REDIC1: variants seen among roughly 807,000 people sequenced by gnomAD.
The protein encoded by REDIC1 is regulator of DNA class I crossover intermediates 1.
the REDIC1 span, among the ~76,000 whole-genome samples, chr12:39,818,938 A>G: frequency 6.6e-6 from 1 of 152,176 alleles, no homozygotes; most frequent in African/African-American, 2.4e-5. Context: ...AAGCCAATTA[A>G]TTAAAAAACA....
chr12:39,767,821 G>A, the REDIC1 span, among the ~76,000 whole-genome samples: 3 of 152,128 alleles, frequency 2.0e-5, no homozygotes, highest in African/African-American at 7.2e-5. Flanking sequence ...GTTTTATAAT[G>A]GGCTTTTCCC....
At chr12:39,771,296 A>G in the REDIC1 span, among the ~76,000 whole-genome samples, 1 of 152,068 alleles carries the variant, frequency 6.6e-6, no homozygotes, top group African/African-American at 2.4e-5. Context: ...GAATATGGCA[A>G]AAGTGACAGG....
chr12:39,713,402 GTA>G, the REDIC1 span, among the ~76,000 whole-genome samples: 168 of 9,016 alleles, frequency 0.019, 3 homozygotes, highest in Non-Finnish European at 0.063. Flanking sequence ...AGACACATAC[GTA>G]TGTATACACA....
the REDIC1 span, among the ~76,000 whole-genome samples, chr12:39,713,533 C>T: frequency 7.4e-5 from 11 of 148,998 alleles, no homozygotes; most frequent in South Asian, 1.7e-3. Context: ...CATGTGTACA[C>T]GTACATACGT....
At chr12:39,749,919 A>G in the REDIC1 span, among the ~76,000 whole-genome samples, 7 of 152,340 alleles carry the variant, frequency 4.6e-5, no homozygotes, top group Admixed American at 2.6e-4. Flanking sequence ...GACGTATCTC[A>G]AAATCATGAG....
At chr12:39,670,845 G>T in the REDIC1 span, among the ~76,000 whole-genome samples, 1 of 150,368 alleles carries the variant, frequency 6.7e-6, no homozygotes, top group African/African-American at 2.4e-5. Context: ...GCTCCTGATT[G>T]TATTTTTCAT....
At chr12:39,653,500 CT>C in the REDIC1 span, among the ~76,000 whole-genome samples, 1 of 40,236 alleles carries the variant, frequency 2.5e-5, no homozygotes, top group Non-Finnish European at 5.6e-5. Context: ...ATGTCTTCTT[CT>C]TCTTCTTCTT....
At chr12:39,672,805 T>C in the REDIC1 span, among the ~76,000 whole-genome samples, 23 of 152,222 alleles carry the variant, frequency 1.5e-4, no homozygotes, top group Admixed American at 6.5e-4. Flanking sequence ...TCCAGGGATA[T>C]GTAGATGCAA....
chr12:39,896,789 G>GCA, the REDIC1 span, among the ~76,000 whole-genome samples: 3 of 151,982 alleles, frequency 2.0e-5, no homozygotes, highest in East Asian at 5.8e-4. Context: ...TATAAAAGTT[G>GCA]CATATATTTA....
the REDIC1 span, among the ~76,000 whole-genome samples, chr12:39,744,013 A>G: frequency 6.6e-6 from 1 of 152,156 alleles, no homozygotes; most frequent in African/African-American, 2.4e-5. Flanking sequence ...AACAACAACA[A>G]CAATAAACCC....
At chr12:39,685,854 A>G in the REDIC1 span, among the ~76,000 whole-genome samples, 1 of 152,264 alleles carries the variant, frequency 6.6e-6, no homozygotes, top group East Asian at 1.9e-4. Flanking sequence ...AAATATTTAC[A>G]TTCCAAAAGG....
the REDIC1 span, among the ~76,000 whole-genome samples, chr12:39,635,665 G>A: frequency 0.033 from 5,001 of 151,686 alleles, 304 homozygotes; most frequent in African/African-American, 0.12. Context: ...CTGGGGGAGG[G>A]ATAGCATTAG....
At chr12:39,839,003 A>AT in the REDIC1 span, among the ~76,000 whole-genome samples, 1 of 151,972 alleles carries the variant, frequency 6.6e-6, no homozygotes. Context: ...GTCCAATTTC[A>AT]TTTTCTGCAG....
chr12:39,708,051 G>A, the REDIC1 span, among the ~76,000 whole-genome samples: 1 of 151,606 alleles, frequency 6.6e-6, no homozygotes, highest in Non-Finnish European at 1.5e-5. Flanking sequence ...ATAGTTAATG[G>A]ATACAAAAAA....
the REDIC1 span, among the ~76,000 whole-genome samples, chr12:39,687,407 G>A: frequency 4.6e-5 from 7 of 152,194 alleles, no homozygotes; most frequent in Non-Finnish European, 8.8e-5. Flanking sequence ...GAAGCCTCAG[G>A]AAATTAGAAT....
the REDIC1 span, among the ~76,000 whole-genome samples, chr12:39,696,542 CAAAAAAAAAAAAAAAAAAAAAAAAA>C: frequency 1.8e-4 from 2 of 11,062 alleles, no homozygotes; most frequent in Non-Finnish European, 3.8e-4. Context: ...GACTCTGTCT[CAAAAAAAAAAAAAAAAAAAAAAAAA>C]AAAAAAAAAA....
chr12:39,765,367 C>T, the REDIC1 span, among the ~76,000 whole-genome samples: 16 of 151,978 alleles, frequency 1.1e-4, no homozygotes, highest in Admixed American at 2.6e-4. Context: ...CTTTCTGCTC[C>T]GTGTCCTTGC....
At chr12:39,711,781 GTGTA>G in the REDIC1 span, among the ~76,000 whole-genome samples, 157 of 132,520 alleles carry the variant, frequency 1.2e-3, 3 homozygotes, top group Admixed American at 4.1e-3. Context: ...GCACATGCAT[GTGTA>G]TGTGTGTGTA....
the REDIC1 span, among the ~76,000 whole-genome samples, chr12:39,689,360 A>G: frequency 2.0e-5 from 3 of 152,198 alleles, no homozygotes; most frequent in Non-Finnish European, 2.9e-5. Context: ...CTTTTTAAAA[A>G]CAATACCTAG....
Sources: gnomAD v4.1 joint callset for allele counts (sites outside exome capture counted in the v4.1 genomes callset) on GRCh38, gnomAD v4.1.1 for gene constraint, MANE v1.5 for transcripts, NCBI Gene and HGNC (gene_info 2026-07-23, HGNC 2026-07-21) for gene names.